The following SLC22A3 variants were observed in gnomAD, a reference collection of about 807,000 sequenced individuals.
SLC22A3 encodes the protein EMT organic cation transporter 3.
Under a neutral mutation model 59.1 loss-of-function variants are expected in SLC22A3, and 51 were observed. That is an observed-to-expected ratio of 0.86 (90% confidence interval 0.69 to 1.09). The LOEUF (loss-of-function observed/expected upper bound fraction) is 1.09, where lower values mean the gene tolerates loss of function less well. Ranked by LOEUF, SLC22A3 falls within the 50% of genes least tolerant of loss-of-function variation. The probability of loss-of-function intolerance (pLI) is 0.00; values close to 1 mark genes in which losing one functional copy is unlikely to be tolerated. For missense variants in SLC22A3, 711 were observed against 726.3 expected, an observed-to-expected ratio of 0.98 and a Z score of 0.24; for synonymous variants, 325 against 292.0, an observed-to-expected ratio of 1.11 and a Z score of -1.15.
intron 7 of SLC22A3, among the ~76,000 whole-genome samples, chr6:160,438,086 T>C (rs910136826): frequency 2.0e-5 from 3 of 152,068 alleles, no homozygotes; most frequent in African/African-American, 4.8e-5. Context: ...GGAGTTACAA[T>C]TGGGGCAGTC....
chr6:160,380,383 T>C (rs1320981336), intron 1 of SLC22A3, among the ~76,000 whole-genome samples: 2 of 152,098 alleles, frequency 1.3e-5, no homozygotes, highest in African/African-American at 2.4e-5. Flanking sequence ...AGTAAAGGCA[T>C]GTAATCTCTT....
At chr6:160,432,661 CG>C (rs1788196576) in intron 5 of SLC22A3, among the ~76,000 whole-genome samples, 1 of 152,094 alleles carries the variant, frequency 6.6e-6, no homozygotes, top group Admixed American at 6.5e-5. Flanking sequence ...CTCCTGACCT[CG>C]TGATCCGCCC....
At chr6:160,397,893 C>A in intron 1 of SLC22A3, 86 bp from the exon 2 acceptor site, 1 of 1,033,302 alleles carries the variant, frequency 9.7e-7, no homozygotes. Flanking sequence ...AAAATCTTTA[C>A]AGATCATTGA....
At chr6:160,366,587 G>GGGACTCTGTCTGA (rs1182492745) in intron 1 of SLC22A3, among the ~76,000 whole-genome samples, 1 of 152,232 alleles carries the variant, frequency 6.6e-6, no homozygotes, top group Non-Finnish European at 1.5e-5. Flanking sequence ...TACCCTAGTA[G>GGGACTCTGTCTGA]GGACTCTGTC....
chr6:160,394,392 A>G (rs1053295114), intron 1 of SLC22A3, among the ~76,000 whole-genome samples: 3 of 152,222 alleles, frequency 2.0e-5, no homozygotes, highest in Non-Finnish European at 4.4e-5. Flanking sequence ...CGAAAGATAC[A>G]TCGCAGGCCC....
At chr6:160,382,916 A>C (rs1785849968) in intron 1 of SLC22A3, among the ~76,000 whole-genome samples, 1 of 152,236 alleles carries the variant, frequency 6.6e-6, no homozygotes, top group Non-Finnish European at 1.5e-5. Flanking sequence ...AAACTTGCTA[A>C]ACAGTCTCAA....
At chr6:160,411,589 A>G (rs1038584188) in intron 5 of SLC22A3, among the ~76,000 whole-genome samples, 5 of 152,114 alleles carry the variant, frequency 3.3e-5, no homozygotes, top group Admixed American at 2.6e-4. Flanking sequence ...GAAAGTTTTA[A>G]AAACTATGTG....
Position 160,403,861 on chromosome 6 carries a change from A to C in SLC22A3, c.534-3180A>C, listed in dbSNP as rs577515654. 1.1e-4 allele frequency among the ~76,000 whole-genome samples: 17 copies of C among 152,132 alleles called. No individual in the cohort carries two copies. In the East Asian group the frequency reaches 3.3e-3, roughly 29 times the overall value. On this transcript the variant is annotated intron_variant, in intron 2 of 10. Coordinates refer to ENST00000275300, the MANE Select transcript of SLC22A3 (RefSeq NM_021977.4). ...CAGACAAAGTATTTGTCAAAATCCAACATCTATATATGACAAAAGCTCTCA... is the reference window on the plus strand; with the variant it reads ...CAGACAAAGTATTTGTCAAAATCCACCATCTATATATGACAAAAGCTCTCA...
chr6:160,383,948 G>T (rs745354085), intron 1 of SLC22A3, among the ~76,000 whole-genome samples: 5 of 152,118 alleles, frequency 3.3e-5, no homozygotes, highest in Non-Finnish European at 5.9e-5. Context: ...TTTGGTGGGG[G>T]GGATGGAGTC....
intron 1 of SLC22A3, among the ~76,000 whole-genome samples, chr6:160,356,602 C>T (rs1007048027): frequency 2.6e-5 from 4 of 152,194 alleles, no homozygotes; most frequent in South Asian, 2.1e-4. Context: ...CAGGGTGCAG[C>T]GCTGTCCCCT....
intron 5 of SLC22A3, among the ~76,000 whole-genome samples, chr6:160,414,885 G>A (rs1345637820): frequency 1.3e-5 from 2 of 152,130 alleles, no homozygotes; most frequent in African/African-American, 2.4e-5. Flanking sequence ...TTATTTTGGT[G>A]AGTACTCTTT....
Position 160,348,397 on chromosome 6 carries a change from G to C in SLC22A3, c.-23G>C. On this transcript the variant is annotated 5_prime_UTR_variant, in exon 1 of 11. Coordinates refer to ENST00000275300, the MANE Select transcript of SLC22A3 (RefSeq NM_021977.4). ...CGGGTCACTCCGAGGCGCGGGCTGC[G>C]GGCGGCGGGCGGCGGGCGCACCATG... 7.0e-7 allele frequency: 1 copy of C among 1,434,928 alleles called. No homozygotes were observed. The highest frequency in any genetic ancestry group is 9.1e-7 in the Non-Finnish European group (1 of 1,100,474). The allele number at this position is 1,434,928 out of a possible 1,614,324, so 88.9% of individuals were successfully genotyped here. A position where few individuals can be genotyped will look rare whatever the true frequency, so the allele number is the denominator to read the frequency against.
chr6:160,430,871 A>G (rs1264848263), intron 5 of SLC22A3, among the ~76,000 whole-genome samples: 1 of 152,166 alleles, frequency 6.6e-6, no homozygotes, highest in Non-Finnish European at 1.5e-5. Flanking sequence ...TGTTTCTATG[A>G]AATTCTAGAA....
chr6:160,392,659 C>A (rs1438119784), intron 1 of SLC22A3, among the ~76,000 whole-genome samples: 1 of 152,190 alleles, frequency 6.6e-6, no homozygotes, highest in Non-Finnish European at 1.5e-5. Flanking sequence ...GCCATCAGAT[C>A]ATGTTAAAAT....
intron 5 of SLC22A3, among the ~76,000 whole-genome samples, chr6:160,418,832 C>A (rs964304790): frequency 3.9e-5 from 6 of 152,142 alleles, no homozygotes; most frequent in Non-Finnish European, 8.8e-5. Context: ...ACTGAATATG[C>A]CCATATTTGT....
At chr6:160,389,051 C>G (rs575253034) in intron 1 of SLC22A3, among the ~76,000 whole-genome samples, 1 of 152,294 alleles carries the variant, frequency 6.6e-6, no homozygotes, top group African/African-American at 2.4e-5. Context: ...AGACTCCCCT[C>G]TTGGGCTCCC....
chr6:160,413,378 T>C, intron 5 of SLC22A3, among the ~76,000 whole-genome samples: 1 of 152,222 alleles, frequency 6.6e-6, no homozygotes. Context: ...TTAATTTTAA[T>C]ATGGAAATTT....
chr6:160,399,244 C>T (rs1786654885), intron 2 of SLC22A3, among the ~76,000 whole-genome samples: 1 of 152,100 alleles, frequency 6.6e-6, no homozygotes, highest in Admixed American at 6.6e-5. Context: ...GTCCTTTTCT[C>T]CTGTTCTACT....
chr6:160,373,888 C>G (rs923973191), intron 1 of SLC22A3, among the ~76,000 whole-genome samples: 7 of 152,192 alleles, frequency 4.6e-5, no homozygotes, highest in Admixed American at 3.3e-4. Flanking sequence ...AGGTCGATTT[C>G]AGACTGCTGT....
Sources: allele counts gnomAD v4.1 joint callset (sites outside exome capture counted in the v4.1 genomes callset), GRCh38; gene constraint gnomAD v4.1.1; transcripts MANE v1.5; gene names NCBI Gene and HGNC (gene_info 2026-07-23, HGNC 2026-07-21).